TNNC2: variants seen among roughly 807,000 people sequenced by gnomAD.
TNNC2 encodes the protein troponin C2, fast skeletal type.
TNNC2 carries 14 observed loss-of-function variants against 20.0 expected under a neutral mutation model. That is an observed-to-expected ratio of 0.70 (90% CI 0.46 to 1.09). The LOEUF (loss-of-function observed/expected upper bound fraction) is 1.09, where lower values mean the gene tolerates loss of function less well. TNNC2 is among the 50% of genes least tolerant of loss of function. The pLI is 0.00. For missense variants in TNNC2, 163 were observed against 223.8 expected (o/e 0.73, Z 1.73); for synonymous variants, 81 against 77.3 (o/e 1.05, Z -0.25).
Position 45,823,950 on chromosome 20 carries a change from G to C in TNNC2, c.451+41C>G. The C allele has an allele frequency of 6.2e-7, 1 of 1,612,208 alleles. No homozygotes were observed. The stretch of plus-strand genomic sequence containing the variant: ...AGGCACCAGTGCCCGCCGTCCTCTG[G>C]GGCTCCCACCCGCTCTTCCCAAGCT... On this transcript the variant is annotated intron_variant, in intron 5 of 5. Transcript: ENST00000372555. The surrounding 1 kb of genome is among the most constrained non-coding windows in gnomAD (Gnocchi z 4.6).
intron 1 of TNNC2, among the ~76,000 whole-genome samples, chr20:45,825,151 A>AT (rs201841698): frequency 0.019 from 2,874 of 151,916 alleles, 64 homozygotes; most frequent in Non-Finnish European, 0.025. Flanking sequence ...AATTTTTAAA[A>AT]TTTTTTGTAG....
In TNNC2 at chr20:45,824,843, GAC is replaced by G; in HGVS notation, c.4-11_4-10del. On this transcript the variant is annotated splice_polypyrimidine_tract_variant and intron_variant, in intron 1 of 5. Transcript: ENST00000372555. The stretch of plus-strand genomic sequence containing the variant: ...TCAGCCTGCTGGTCCGTCTGCAGGA[GAC>G]ACAGAGAAAGTCTGAGCTGAAGAGG... 6.2e-7 allele frequency: 1 copy of G among 1,614,090 alleles called. No individual in the cohort carries two copies. Among genetic ancestry groups the G allele is most frequent in the East Asian group, 2.2e-5 (1 of 44,874 alleles).
upstream of TNNC2, among the ~76,000 whole-genome samples, chr20:45,830,464 T>C (rs2145729727): frequency 6.6e-6 from 1 of 152,038 alleles, no homozygotes; most frequent in South Asian, 2.1e-4. Context: ...TACTTCCCTA[T>C]CATCTTTCTA....
chr20:45,825,434 G>C (rs1982942391), intron 1 of TNNC2, among the ~76,000 whole-genome samples: 1 of 152,026 alleles, frequency 6.6e-6, no homozygotes, highest in South Asian at 2.1e-4. Flanking sequence ...TGGGATTACA[G>C]GCATGCGCCA....
upstream of TNNC2, among the ~76,000 whole-genome samples, chr20:45,829,910 G>A (rs1035899055): frequency 1.3e-5 from 2 of 151,826 alleles, no homozygotes; most frequent in Non-Finnish European, 2.9e-5. Flanking sequence ...CCCAGCCTTT[G>A]TTCTTTTGTT....
chr20:45,830,381 T>C (rs1983081128), upstream of TNNC2, among the ~76,000 whole-genome samples: 1 of 150,556 alleles, frequency 6.6e-6, no homozygotes, highest in African/African-American at 2.4e-5. Flanking sequence ...CACCACCTTC[T>C]ATGAACCTTC....
upstream of TNNC2, among the ~76,000 whole-genome samples, chr20:45,830,971 C>T (rs180742484): frequency 6.9e-4 from 105 of 151,966 alleles, no homozygotes; most frequent in South Asian, 5.2e-3. Context: ...CATGGCGAGA[C>T]GCTGTCTCCA....
At chr20:45,825,215 G>A (rs1019860708) in intron 1 of TNNC2, among the ~76,000 whole-genome samples, 1 of 152,164 alleles carries the variant, frequency 6.6e-6, no homozygotes, top group African/African-American at 2.4e-5. Flanking sequence ...GGGTTCAAGT[G>A]ATCCTGCCAC....
upstream of TNNC2, among the ~76,000 whole-genome samples, chr20:45,829,356 G>A (rs1462303256): frequency 6.6e-6 from 1 of 151,818 alleles, no homozygotes; most frequent in East Asian, 1.9e-4. Flanking sequence ...TAGAGACAGG[G>A]TTTCTCCATG....
Position 45,823,453 on chromosome 20 carries a change from C to T in TNNC2, c.452-74G>A, listed in dbSNP as rs1166728317. ...AGGCCAGGCCAGGGCTCCAGCCACA[C>T]AGAGGGGATGACTTTTTGTTTTTGT... On this transcript the variant is annotated intron_variant, in intron 5 of 5. Transcript: ENST00000372555. The surrounding 1 kb of genome is among the most constrained non-coding windows in gnomAD (Gnocchi z 4.6). The T allele has an allele frequency of 9.1e-6, 13 of 1,433,688 alleles. No individual in the cohort carries two copies. The East Asian group carries it at 3.2e-4, about 35-fold the overall frequency. The allele number at this position is 1,433,688 out of a possible 1,614,324, so 88.8% of individuals were successfully genotyped here. A position where few individuals can be genotyped will look rare whatever the true frequency, so the allele number is the denominator to read the frequency against.
At chr20:45,832,506 C>T (rs1227076846) in intron 2 of TNNC2, among the ~76,000 whole-genome samples, 1 of 152,094 alleles carries the variant, frequency 6.6e-6, no homozygotes, top group Admixed American at 6.6e-5. Flanking sequence ...AGTAAAGTGC[C>T]TAGAGCAGGA....
At chr20:45,829,250 C>T (rs1018026950), upstream of TNNC2, among the ~76,000 whole-genome samples, 2 of 151,370 alleles carry the variant, frequency 1.3e-5, no homozygotes, top group Admixed American at 6.6e-5. Flanking sequence ...CCACAACCTC[C>T]GCCTCTTGGG....
At chr20:45,824,699 C>T in intron 2 of TNNC2, 61 bp from the exon 3 acceptor site, 1 of 1,557,720 alleles carries the variant, frequency 6.4e-7, no homozygotes, top group Admixed American at 1.8e-5. Flanking sequence ...CACACCTACC[C>T]CCCCCCAACC....
At position 45,824,229 on chromosome 20, in the gene TNNC2, C is replaced by T; in HGVS notation, c.314+63G>A. On this transcript the variant is annotated intron_variant, in intron 4 of 5. Transcript: ENST00000372555. ...CGCACTCCCAACACGGGGAAGCTTC[C>T]AGCGCTGCCGGCCGGGTTCTGACTG... 4 of 1,601,670 alleles carry T rather than the reference C, an allele frequency of 2.5e-6. No homozygotes were observed. The South Asian group carries it at 4.4e-5, about 18-fold the overall frequency.
chr20:45,825,136 C>T (rs1384974608), intron 1 of TNNC2, among the ~76,000 whole-genome samples: 31 of 151,584 alleles, frequency 2.0e-4, no homozygotes, highest in Admixed American at 2.0e-3. Flanking sequence ...GCATACACCA[C>T]GCCTAATTTT....
rs754718279 is a variant in TNNC2, at chr20:45,823,226, T to C, written c.*122A>G. 1.4e-4 allele frequency: 133 copies of C among 959,104 alleles called. No individual in the cohort carries two copies. The highest frequency in any genetic ancestry group is 1.9e-4 in the Non-Finnish European group (129 of 684,118). 59.4% of individuals were successfully genotyped at this position (959,104 alleles called of 1,614,324 possible). A position where few individuals can be genotyped will look rare whatever the true frequency, so the allele number is the denominator to read the frequency against. ...TTCAGGCCACGAGTTTTGGAACATT[T>C]GCTTTTATTCCTTCCAGACAAAGAC... On this transcript the variant is annotated 3_prime_UTR_variant, in exon 6 of 6. Coordinates refer to ENST00000372555, the MANE Select transcript of TNNC2 (RefSeq NM_003279.3). The surrounding 1 kb of genome is among the most constrained non-coding windows in gnomAD (Gnocchi z 4.6).
At chr20:45,824,705 C>T in intron 2 of TNNC2, 67 bp from the exon 3 acceptor site, 1 of 1,563,794 alleles carries the variant, frequency 6.4e-7, no homozygotes, top group Non-Finnish European at 8.7e-7. Flanking sequence ...TACCCCCCCC[C>T]AACCCCCACC....
chr20:45,830,445 T>C (rs1983083090), upstream of TNNC2, among the ~76,000 whole-genome samples: 1 of 152,044 alleles, frequency 6.6e-6, no homozygotes, highest in Non-Finnish European at 1.5e-5. Flanking sequence ...TTTCCTCTCT[T>C]CATCTGTCTA....
In TNNC2 at chr20:45,823,899, A is replaced by G. The variant is rs1275497530; in HGVS notation, c.451+92T>C. 4 of 1,579,820 alleles carry G rather than the reference A, an allele frequency of 2.5e-6. No individual in the cohort carries two copies. In the African/African-American group the frequency reaches 4.0e-5, roughly 16 times the overall value. ...TGAAGTTACGCCCAGCCCAGCCCACAAGGCCAAGGACACTGCACCGGAGCC... is the reference window on the plus strand; with the variant it reads ...TGAAGTTACGCCCAGCCCAGCCCACGAGGCCAAGGACACTGCACCGGAGCC... On this transcript the variant is annotated intron_variant, in intron 5 of 5. Coordinates refer to ENST00000372555, the MANE Select transcript of TNNC2 (RefSeq NM_003279.3). This position sits in a 1 kb window ranked among gnomAD's most constrained non-coding sequence, Gnocchi z 4.6.
Sources: allele counts gnomAD v4.1 joint callset (sites outside exome capture counted in the v4.1 genomes callset), GRCh38; gene constraint gnomAD v4.1.1; non-coding constraint Gnocchi (gnomAD v3.1); transcripts MANE v1.5; gene names NCBI Gene and HGNC (gene_info 2026-07-23, HGNC 2026-07-21).